Variants in PLCXD3 observed in about 807,000 individuals in gnomAD.
PLCXD3 encodes the protein PI-PLC X domain-containing protein 3.
PLCXD3 carries 19 observed loss-of-function variants against 25.5 expected under a neutral mutation model. The observed-to-expected ratio is 0.75, with a 90% CI of 0.52 to 1.09. The LOEUF is 1.09. Among genes scored for constraint, PLCXD3 ranks in the 50% least tolerant of loss-of-function variants. The pLI is 0.00. For synonymous variants in PLCXD3, 174 were observed against 137.6 expected (o/e 1.26, Z -1.85); for missense variants, 411 against 388.1 (o/e 1.06, Z -0.50).
chr5:41,441,714 C>T (rs553360286), intron 1 of PLCXD3, among the ~76,000 whole-genome samples: 9 of 152,274 alleles, frequency 5.9e-5, no homozygotes, highest in Admixed American at 3.9e-4. Flanking sequence ...AAGTAGACAA[C>T]GTCTTGGGGA....
intron 1 of PLCXD3, among the ~76,000 whole-genome samples, chr5:41,394,102 T>C (rs1396618773): frequency 6.6e-6 from 1 of 152,188 alleles, no homozygotes; most frequent in Non-Finnish European, 1.5e-5. Context: ...ACATAGACAG[T>C]ATAATAAAAT....
Position 41,307,491 on chromosome 5 carries a change from G to A in PLCXD3, c.*6126C>T, listed in dbSNP as rs1409903396. 1 of 152,188 alleles carries A rather than the reference G, an allele frequency of 6.6e-6. No homozygotes were observed. The highest frequency in any genetic ancestry group is 1.9e-4 in the East Asian group (1 of 5,182). The allele number at this position is 152,188 out of a possible 1,614,324, so 9.4% of individuals were successfully genotyped here. On this transcript the variant is annotated 3_prime_UTR_variant, in exon 3 of 3. Transcript: ENST00000377801. ...CACTGTTCTTATTTTAGGGCTTCTT[G>A]GGTTTTCAATTCCAAAAAAAAATAG...
chr5:41,416,081 G>A (rs1323351061), intron 1 of PLCXD3, among the ~76,000 whole-genome samples: 1 of 152,172 alleles, frequency 6.6e-6, no homozygotes, highest in Non-Finnish European at 1.5e-5. Context: ...CAAGCTCAAA[G>A]AGGGAGATTA....
intron 1 of PLCXD3, among the ~76,000 whole-genome samples, chr5:41,405,784 TTTTGTTTTG>T (rs1746332800): frequency 6.6e-6 from 1 of 152,076 alleles, no homozygotes; most frequent in East Asian, 1.9e-4. Context: ...TTTTGTTTTG[TTTTGTTTTG>T]TTTACCATTT....
intron 1 of PLCXD3, among the ~76,000 whole-genome samples, chr5:41,448,084 C>T (rs1035693094): frequency 6.6e-6 from 1 of 152,148 alleles, no homozygotes; most frequent in Non-Finnish European, 1.5e-5. Flanking sequence ...AGCTCTTAAA[C>T]ACCATAAAGA....
chr5:41,381,986 T>C lies in PLCXD3; in HGVS notation c.652A>G (p.Asn218Asp), dbSNP rs1208187987. The change falls in exon 2 of 3, where the codon AAC (asparagine) becomes GAC (aspartate). Residue 218 changes from asparagine to aspartate, a missense_variant. Coordinates refer to ENST00000377801, the MANE Select transcript of PLCXD3 (RefSeq NM_001005473.3). ...PGQMMPAPWA[N>D]TTDPEKLIQF... ...ATCAGTTTCTCGGGGTCTGTGGTGT[T>C]GGCCCAGGGTGCTGGCATCATCTGC... is the stretch of plus-strand genomic sequence containing the variant. 1 of 1,613,534 alleles carries C rather than the reference T, an allele frequency of 6.2e-7. No homozygotes were observed.
intron 2 of PLCXD3, among the ~76,000 whole-genome samples, chr5:41,330,636 C>A (rs557942963): frequency 1.3e-4 from 20 of 152,174 alleles, no homozygotes; most frequent in African/African-American, 4.6e-4. Flanking sequence ...GGCCGAAACA[C>A]AACCAAAAAA....
intron 2 of PLCXD3, among the ~76,000 whole-genome samples, chr5:41,335,719 C>G (rs932516020): frequency 6.6e-5 from 10 of 152,094 alleles, no homozygotes; most frequent in African/African-American, 2.2e-4. Context: ...GAGTACCCAT[C>G]ATGTGGCATT....
chr5:41,335,960 C>T (rs531082671), intron 2 of PLCXD3, among the ~76,000 whole-genome samples: 1 of 152,118 alleles, frequency 6.6e-6, no homozygotes, highest in African/African-American at 2.4e-5. Context: ...TCCGTGGACT[C>T]TCACAAATTC....
chr5:41,382,266 GCCTTC>G lies in PLCXD3; in HGVS notation c.367_371del (p.Glu123ProfsTer2). ...TGAGGAATGCATTGATCTCCTCAAG[GCCTTC>G]ATTGACTTTGGCACTGAACAAACCA... On this transcript the variant is annotated frameshift_variant, in exon 2 of 3. Coordinates refer to ENST00000377801, the MANE Select transcript of PLCXD3 (RefSeq NM_001005473.3). LOFTEE classifies it high-confidence loss of function. 6.2e-7 allele frequency: 1 copy of G among 1,613,664 alleles called. No individual in the cohort carries two copies. The highest frequency in any genetic ancestry group is 8.5e-7 in the Non-Finnish European group (1 of 1,179,766).
At chr5:41,392,730 T>A (rs973602489) in intron 1 of PLCXD3, among the ~76,000 whole-genome samples, 2 of 152,014 alleles carry the variant, frequency 1.3e-5, no homozygotes, top group African/African-American at 4.8e-5. Context: ...CACCAGGGAC[T>A]AATCCTGGAG....
At chr5:41,405,569 G>A (rs983070120) in intron 1 of PLCXD3, among the ~76,000 whole-genome samples, 2 of 152,132 alleles carry the variant, frequency 1.3e-5, no homozygotes, top group Non-Finnish European at 2.9e-5. Context: ...TAGATTATAA[G>A]CTTCCCTAAA....
intron 1 of PLCXD3, among the ~76,000 whole-genome samples, chr5:41,405,904 C>T (rs1477151902): frequency 6.6e-6 from 1 of 152,050 alleles, no homozygotes; most frequent in Non-Finnish European, 1.5e-5. Flanking sequence ...TGTTGCAACT[C>T]ATATAAAACC....
At chr5:41,352,300 C>T (rs948541747) in intron 2 of PLCXD3, among the ~76,000 whole-genome samples, 1 of 152,166 alleles carries the variant, frequency 6.6e-6, no homozygotes, top group South Asian at 2.1e-4. Flanking sequence ...ATTCTTCCTC[C>T]GACTTGCATA....
intron 2 of PLCXD3, among the ~76,000 whole-genome samples, chr5:41,353,283 A>G (rs1328959820): frequency 6.7e-6 from 1 of 148,378 alleles, no homozygotes; most frequent in Non-Finnish European, 1.5e-5. Flanking sequence ...TTTTTTTTTC[A>G]GTAGAGACAG....
intron 2 of PLCXD3, among the ~76,000 whole-genome samples, chr5:41,316,115 G>A (rs1041200415): frequency 5.8e-4 from 88 of 152,270 alleles, no homozygotes; most frequent in African/African-American, 2.0e-3. Flanking sequence ...TTCCACTTGG[G>A]AGAAGAGGGG....
At chr5:41,321,459 G>A (rs963802819) in intron 2 of PLCXD3, among the ~76,000 whole-genome samples, 5 of 152,132 alleles carry the variant, frequency 3.3e-5, no homozygotes, top group South Asian at 2.1e-4. Context: ...AGTATACCAT[G>A]TTTATAGATT....
At position 41,317,035 on chromosome 5, in the gene PLCXD3, C is replaced by A. The variant is rs567565671; in HGVS notation, c.813-3265G>T. ...ATACACAATAGCCAGGGACTGGTTA[C>A]AGCAGGCCCTGCATGAGACCCAGTA... On this transcript the variant is annotated intron_variant, in intron 2 of 2. Coordinates refer to ENST00000377801, the MANE Select transcript of PLCXD3 (RefSeq NM_001005473.3). Among the ~76,000 whole-genome samples, 11 of 152,320 alleles carry A rather than the reference C, an allele frequency of 7.2e-5. No individual in the cohort carries two copies. In the South Asian group the frequency reaches 2.1e-3, roughly 29 times the overall value.
chr5:41,424,279 C>T (rs1007088512), intron 1 of PLCXD3, among the ~76,000 whole-genome samples: 1 of 152,132 alleles, frequency 6.6e-6, no homozygotes, highest in Non-Finnish European at 1.5e-5. Flanking sequence ...CGCGGTGGCT[C>T]ACGCCTGTAA....
Sources: allele counts gnomAD v4.1 joint callset (sites outside exome capture counted in the v4.1 genomes callset), GRCh38; gene constraint gnomAD v4.1.1; transcripts MANE v1.5; gene names NCBI Gene and HGNC (gene_info 2026-07-23, HGNC 2026-07-21).